AGBL4: variants seen among roughly 807,000 people sequenced by gnomAD.
AGBL4 encodes the protein AGBL carboxypeptidase 4, also known as cytosolic carboxypeptidase 6.
A neutral mutation model predicts 66.4 loss-of-function variants in AGBL4; 58 were observed. That is an observed-to-expected ratio of 0.87 (90% CI 0.71 to 1.09). The LOEUF is 1.09. Among genes scored for constraint, AGBL4 ranks in the 50% least tolerant of loss-of-function variants. AGBL4 has a pLI of 0.00. For missense variants in AGBL4, 579 were observed against 631.0 expected (o/e 0.92, Z 0.88); for synonymous variants, 234 against 222.9 (o/e 1.05, Z -0.44).
chr1:48,869,717 G>C (rs1032958832), intron 5 of AGBL4, among the ~76,000 whole-genome samples: 5 of 152,100 alleles, frequency 3.3e-5, no homozygotes, highest in Non-Finnish European at 7.4e-5. Context: ...GTGCTTACAG[G>C]CTCCCTCTTC....
chr1:49,491,407 G>A (rs527269097), intron 3 of AGBL4, among the ~76,000 whole-genome samples: 28 of 151,810 alleles, frequency 1.8e-4, no homozygotes, highest in South Asian at 1.5e-3. Flanking sequence ...TTTAAAATGC[G>A]TATCTTCTCC....
intron 5 of AGBL4, among the ~76,000 whole-genome samples, chr1:49,012,653 G>T (rs916424349): frequency 2.0e-5 from 3 of 152,170 alleles, no homozygotes; most frequent in African/African-American, 7.2e-5. Context: ...AACTATTCCT[G>T]ACCTGTACCT....
chr1:49,469,522 A>G (rs1646698405), intron 3 of AGBL4, among the ~76,000 whole-genome samples: 1 of 151,844 alleles, frequency 6.6e-6, no homozygotes, highest in African/African-American at 2.4e-5. Flanking sequence ...CTGCAAATAC[A>G]TACACTTTGG....
At chr1:49,442,113 A>T (rs1646047460) in intron 3 of AGBL4, among the ~76,000 whole-genome samples, 1 of 152,084 alleles carries the variant, frequency 6.6e-6, no homozygotes, top group Non-Finnish European at 1.5e-5. Context: ...TTAAGTTTAA[A>T]ATTAGTGTGT....
At chr1:49,217,900 T>A (rs1347680575) in intron 4 of AGBL4, among the ~76,000 whole-genome samples, 2 of 152,106 alleles carry the variant, frequency 1.3e-5, no homozygotes, top group Non-Finnish European at 2.9e-5. Context: ...GGCCCTCTAA[T>A]CCAATCTTCC....
At chr1:49,962,044 C>G (rs1657160287) in intron 1 of AGBL4, among the ~76,000 whole-genome samples, 1 of 152,022 alleles carries the variant, frequency 6.6e-6, no homozygotes, top group South Asian at 2.1e-4. Flanking sequence ...TATTTGAAGA[C>G]AAAAAAGAGA....
chr1:48,803,008 C>T (rs1415842052), intron 6 of AGBL4, among the ~76,000 whole-genome samples: 1 of 152,186 alleles, frequency 6.6e-6, no homozygotes, highest in African/African-American at 2.4e-5. Context: ...CAACCCGGGA[C>T]TATAGGTCCT....
rs535471845 is a variant in AGBL4 at position 49,104,639 on chromosome 1, A to C, written c.378-58839T>G. The stretch of plus-strand genomic sequence containing the variant: ...ACTAAATTCGTCTGAATCCAAGTTC[A>C]AGGGCTCTTTCTAGTGTAGTTCTGT... On this transcript the variant is annotated intron_variant, in intron 4 of 13. Transcript: ENST00000371839. Among the ~76,000 whole-genome samples the C allele has an allele frequency of 1.4e-4, 22 of 152,252 alleles. No homozygotes were observed. The South Asian group carries it at 4.3e-3, about 30-fold the overall frequency.
intron 2 of AGBL4, among the ~76,000 whole-genome samples, chr1:49,699,288 T>C (rs754337473): frequency 4.6e-5 from 7 of 152,060 alleles, no homozygotes; most frequent in Non-Finnish European, 8.8e-5. Flanking sequence ...GTTGACCTTC[T>C]TCATCATTCT....
intron 9 of AGBL4, among the ~76,000 whole-genome samples, chr1:48,593,525 G>A (rs970064072): frequency 2.5e-4 from 38 of 152,284 alleles, no homozygotes; most frequent in African/African-American, 7.7e-4. Context: ...GCAAAGGCAG[G>A]CAGATCACGA....
At chr1:49,891,605 C>A (rs1648653531) in intron 1 of AGBL4, among the ~76,000 whole-genome samples, 1 of 152,136 alleles carries the variant, frequency 6.6e-6, no homozygotes, top group African/African-American at 2.4e-5. Flanking sequence ...AAAGTGAAAC[C>A]TGATATAAAC....
intron 9 of AGBL4, among the ~76,000 whole-genome samples, chr1:48,593,762 T>A (rs759618766): frequency 1.6e-4 from 24 of 151,884 alleles, no homozygotes; most frequent in African/African-American, 2.7e-4. Flanking sequence ...AAAAAATAAA[T>A]AAATAAATAA....
chr1:48,972,568 A>T (rs1013476510), intron 5 of AGBL4, among the ~76,000 whole-genome samples: 2 of 152,136 alleles, frequency 1.3e-5, no homozygotes, highest in African/African-American at 4.8e-5. Flanking sequence ...AATTTGCCTG[A>T]GGTAGGTGAC....
chr1:49,656,002 C>T (rs1646121222), intron 3 of AGBL4, among the ~76,000 whole-genome samples: 1 of 152,108 alleles, frequency 6.6e-6, no homozygotes, highest in Non-Finnish European at 1.5e-5. Context: ...CAAAAATTAG[C>T]TGGGCATGGT....
At chr1:49,985,110 T>TGA (rs201780718) in intron 1 of AGBL4, among the ~76,000 whole-genome samples, 1,658 of 152,280 alleles carry the variant, frequency 0.011, 26 homozygotes, top group African/African-American at 0.038. Context: ...TGCATGATAC[T>TGA]GAGGTTTATA....
intron 1 of AGBL4, among the ~76,000 whole-genome samples, chr1:49,947,517 A>G (rs1655325618): frequency 6.6e-6 from 1 of 151,938 alleles, no homozygotes; most frequent in Admixed American, 6.6e-5. Context: ...AACTCGCAGC[A>G]AAATCGGCAT....
intron 1 of AGBL4, among the ~76,000 whole-genome samples, chr1:49,866,169 A>C (rs1256868293): frequency 6.6e-6 from 1 of 152,172 alleles, no homozygotes; most frequent in Non-Finnish European, 1.5e-5. Context: ...AGTGGAACCA[A>C]TTTGGAAAAC....
intron 9 of AGBL4, among the ~76,000 whole-genome samples, chr1:48,600,911 G>T (rs545155758): frequency 1.3e-5 from 2 of 152,280 alleles, no homozygotes; most frequent in Admixed American, 1.3e-4. Context: ...AGAGATCCAG[G>T]AAGAGCCAGG....
At chr1:48,927,379 T>C (rs1230916980) in intron 5 of AGBL4, among the ~76,000 whole-genome samples, 1 of 152,146 alleles carries the variant, frequency 6.6e-6, no homozygotes, top group Non-Finnish European at 1.5e-5. Flanking sequence ...ATGAGACTTA[T>C]TCCCTATCAT....
Sources: allele counts gnomAD v4.1 joint callset (sites outside exome capture counted in the v4.1 genomes callset), GRCh38; gene constraint gnomAD v4.1.1; transcripts MANE v1.5; gene names NCBI Gene and HGNC (gene_info 2026-07-23, HGNC 2026-07-21).